Variants in HMMR observed in about 807,000 individuals in gnomAD.
HMMR encodes the protein intracellular hyaluronic acid-binding protein.
HMMR carries 108 observed loss-of-function variants against 101.0 expected under a neutral mutation model. That is an observed-to-expected ratio of 1.07 (90% CI 0.92 to 1.25). The LOEUF (loss-of-function observed/expected upper bound fraction) is 1.25, where lower values mean the gene tolerates loss of function less well. Among genes scored for constraint, HMMR ranks in the 50% most tolerant of loss-of-function variants. The pLI is 0.00. For missense variants in HMMR, 813 were observed against 788.7 expected (o/e 1.03, Z -0.37); for synonymous variants, 296 against 276.4 (o/e 1.07, Z -0.70).
At chr5:163,482,949 A>G in intron 13 of HMMR, 71 bp from the exon 14 acceptor site, 1 of 1,400,238 alleles carries the variant, frequency 7.1e-7, no homozygotes, top group Non-Finnish European at 9.7e-7. Context: ...TGAGGTTTAA[A>G]GAAAAAAAAA....
At position 163,490,383 on chromosome 5, in the gene HMMR, T is replaced by C; in HGVS notation, c.1963-7T>C. On this transcript the variant is annotated splice_region_variant and splice_polypyrimidine_tract_variant and intron_variant, in intron 16 of 17. Coordinates refer to ENST00000393915, the MANE Select transcript of HMMR (RefSeq NM_001142556.2). ...TTGTTTATTACCTATTATTTCTTTT[T>C]ACCTAGGAAGTATCAAAACTCCGCT... 4 of 1,531,876 alleles carry C rather than the reference T, an allele frequency of 2.6e-6. No homozygotes were observed. Among genetic ancestry groups the C allele is most frequent in the Non-Finnish European group, 3.5e-6 (4 of 1,129,860 alleles). 94.9% of individuals were successfully genotyped at this position (1,531,876 alleles called of 1,614,324 possible). A position where few individuals can be genotyped will look rare whatever the true frequency, so the allele number is the denominator to read the frequency against.
At position 163,462,907 on chromosome 5, in the gene HMMR, T is replaced by C. The variant is rs1307786807; in HGVS notation, c.47-949T>C. On this transcript the variant is annotated intron_variant, in intron 1 of 17. Transcript: ENST00000393915. ...CATTTAGGGGACAGCAGTAGTTGCCTGGGAATGGTCCAAGCTCCTTGCTCT... is the reference window on the plus strand; with the variant it reads ...CATTTAGGGGACAGCAGTAGTTGCCCGGGAATGGTCCAAGCTCCTTGCTCT... Among the ~76,000 whole-genome samples the C allele has an allele frequency of 2.6e-5, 4 of 151,556 alleles. No individual in the cohort carries two copies. In the East Asian group the frequency reaches 7.8e-4, roughly 29 times the overall value.
chr5:163,467,642 T>G, intron 3 of HMMR, 59 bp from the exon 4 acceptor site: 1 of 916,620 alleles, frequency 1.1e-6, no homozygotes, highest in Non-Finnish European at 1.8e-6. Flanking sequence ...AAAAACAAAT[T>G]TGGCTGTCAT....
At position 163,478,728 on chromosome 5, in the gene HMMR, C is replaced by A. The variant is rs766720612; in HGVS notation, c.1313C>A (p.Ala438Asp). The A allele has an allele frequency of 2.5e-6, 4 of 1,613,228 alleles. No homozygotes were observed. Among genetic ancestry groups the A allele is most frequent in the African/African-American group, 1.3e-5 (1 of 74,890 alleles). The part of the protein sequence containing the change: ...LEKSSAAHTQ[A>D]TLLLQEKYDS... Reference sequence around the variant, plus strand: ...AAAAGTAGTGCTGCTCATACCCAGGCCACCCTGCTTTTGCAGGAAAAGTAT... The same window carrying A: ...AAAAGTAGTGCTGCTCATACCCAGGACACCCTGCTTTTGCAGGAAAAGTAT... Residue 438 changes from alanine to aspartate, a missense_variant, in exon 12 of 18, where the codon GCC (alanine) becomes GAC (aspartate). Ala to Asp is a moderately radical substitution (Grantham distance 126). Coordinates refer to ENST00000393915, the MANE Select transcript of HMMR (RefSeq NM_001142556.2).
At chr5:163,482,470 A>G (rs1281026459) in intron 12 of HMMR, among the ~76,000 whole-genome samples, 172 bp from the exon 13 acceptor site, 1 of 152,180 alleles carries the variant, frequency 6.6e-6, no homozygotes. Context: ...GATGCCATGT[A>G]AACTCATTAG....
chr5:163,467,576 G>A (rs748532197), intron 3 of HMMR, 125 bp from the exon 4 acceptor site: 1 of 563,122 alleles, frequency 1.8e-6, no homozygotes, highest in Non-Finnish European at 3.3e-6. Context: ...GTTTAACAGT[G>A]TAATGTTTAA....
At chr5:163,478,917 C>G in intron 12 of HMMR, 117 bp downstream of exon 12, 1 of 585,760 alleles carries the variant, frequency 1.7e-6, no homozygotes. Flanking sequence ...AGTTTAAATT[C>G]CATAATCACC....
At chr5:163,468,349 T>A (rs1233301236) in intron 4 of HMMR, among the ~76,000 whole-genome samples, 1 of 152,228 alleles carries the variant, frequency 6.6e-6, no homozygotes, top group Non-Finnish European at 1.5e-5. Context: ...GCTACCATAC[T>A]GGACAGGGCA....
At chr5:163,462,421 A>G (rs1319751789) in intron 1 of HMMR, among the ~76,000 whole-genome samples, 2 of 151,588 alleles carry the variant, frequency 1.3e-5, no homozygotes, top group Admixed American at 6.6e-5. Flanking sequence ...ATGTATTTTT[A>G]TATCTCTACA....
rs1372525910 is a variant in HMMR, at chr5:163,475,568, A to AT, written c.1166dup (p.Leu389PhefsTer9). The AT allele has an allele frequency of 6.2e-7, 1 of 1,612,482 alleles. No individual in the cohort carries two copies. Among genetic ancestry groups the AT allele is most frequent in the Non-Finnish European group, 8.5e-7 (1 of 1,178,702 alleles). Reference sequence around the variant, plus strand: ...AGCAAACACTGGATGAGCTTGATAAATTACAGCAAAAGGAGGAACAAGCTG... The same window carrying AT: ...AGCAAACACTGGATGAGCTTGATAAATTTACAGCAAAAGGAGGAACAAGCTG... On this transcript the variant is annotated frameshift_variant, in exon 11 of 18. Transcript: ENST00000393915. LOFTEE classifies it high-confidence loss of function.
At chr5:163,467,832 GT>G in intron 4 of HMMR, 84 bp downstream of exon 4, 1 of 850,116 alleles carries the variant, frequency 1.2e-6, no homozygotes, top group South Asian at 1.4e-5. Context: ...TTCTGTTGCA[GT>G]GTGAGGAGTC....
intron 17 of HMMR, among the ~76,000 whole-genome samples, 196 bp downstream of exon 17, chr5:163,490,748 G>A (rs533159806): frequency 6.6e-6 from 1 of 152,232 alleles, no homozygotes; most frequent in African/African-American, 2.4e-5. Context: ...CCTGGATTCT[G>A]CCTGTTCTTC....
chr5:163,464,889 T>C (rs1758650238), intron 3 of HMMR, 87 bp downstream of exon 3: 2 of 777,420 alleles, frequency 2.6e-6, no homozygotes, highest in Non-Finnish European at 4.4e-6. Flanking sequence ...ATGGGTTAAG[T>C]GTATGAATCA....
chr5:163,462,559 G>T (rs1178111429), intron 1 of HMMR, among the ~76,000 whole-genome samples: 1 of 152,018 alleles, frequency 6.6e-6, no homozygotes, highest in Non-Finnish European at 1.5e-5. Flanking sequence ...GGGCCTGGTG[G>T]TTCACACGTG....
intron 11 of HMMR, among the ~76,000 whole-genome samples, chr5:163,477,940 G>T (rs1316839524): frequency 1.3e-5 from 2 of 152,080 alleles, no homozygotes; most frequent in African/African-American, 4.8e-5. Context: ...TCCGGCACTT[G>T]TTACAGAATG....
intron 3 of HMMR, 22 bp downstream of exon 3, chr5:163,464,824 GC>G (rs748677659): frequency 6.7e-7 from 1 of 1,487,260 alleles, no homozygotes; most frequent in African/African-American, 1.4e-5. Flanking sequence ...TTATATGCCA[GC>G]TGGTTTATCA....
chr5:163,470,037 G>A (rs954582114), intron 5 of HMMR: 15 of 362,376 alleles, frequency 4.1e-5, no homozygotes, highest in Non-Finnish European at 6.0e-5. Flanking sequence ...GCCTATTGGC[G>A]GGCGCCTGTA....
chr5:163,483,069 A>T lies in HMMR; in HGVS notation c.1582A>T (p.Lys528Ter), dbSNP rs1217450607. ...TKSALKETEIKEITVSFLQKI... is the reference protein window; with the variant it reads ...TKSALKETEI ...GTCAGCACTAAAGGAAACAGAAATT[A>T]AAGAAATCACAGTTTCTTTTCTTCA... The change falls in exon 14 of 18, where the codon AAA becomes TAA. Residue 528 changes from lysine to a stop codon, truncating the protein, a stop_gained. Coordinates refer to ENST00000393915, the MANE Select transcript of HMMR (RefSeq NM_001142556.2). LOFTEE classifies it high-confidence loss of function. The T allele has an allele frequency of 6.2e-7, 1 of 1,612,772 alleles. No homozygotes were observed. The highest frequency in any genetic ancestry group is 1.7e-5 in the Admixed American group (1 of 59,794).
At chr5:163,479,738 C>T (rs543344434) in intron 12 of HMMR, among the ~76,000 whole-genome samples, 8 of 152,234 alleles carry the variant, frequency 5.3e-5, no homozygotes, top group African/African-American at 1.7e-4. Context: ...TTGTAGCTGT[C>T]TCACACCACC....
Sources: allele counts gnomAD v4.1 joint callset (sites outside exome capture counted in the v4.1 genomes callset), GRCh38; gene constraint gnomAD v4.1.1; transcripts MANE v1.5; gene names NCBI Gene and HGNC (gene_info 2026-07-23, HGNC 2026-07-21).